TTC39A: variants seen among roughly 807,000 people sequenced by gnomAD.
TTC39A encodes tetratricopeptide repeat protein 39A.
TTC39A carries 46 observed loss-of-function variants against 82.3 expected under a neutral mutation model. That is an observed-to-expected ratio of 0.56 (90% confidence interval 0.44 to 0.71). The LOEUF (loss-of-function observed/expected upper bound fraction) is 0.71, where lower values mean the gene tolerates loss of function less well. Ranked by LOEUF, TTC39A falls within the 30% of genes least tolerant of loss-of-function variation. The pLI, the probability that TTC39A is intolerant of heterozygous loss-of-function variation, is 0.00. For missense variants in TTC39A, 543 were observed against 712.9 expected, an observed-to-expected ratio of 0.76 and a Z score of 2.71; for synonymous variants, 254 against 275.2, an observed-to-expected ratio of 0.92 and a Z score of 0.76.
intron 6 of TTC39A, 61 bp from the exon 7 acceptor site, chr1:51,306,137 AC>A: frequency 7.0e-7 from 1 of 1,425,396 alleles, no homozygotes; most frequent in Non-Finnish European, 9.9e-7. Flanking sequence ...AGGGGCTGGG[AC>A]CCCTTCCAGC....
At chr1:51,342,323 A>G (rs1234333428) in intron 1 of TTC39A, among the ~76,000 whole-genome samples, 3 of 152,204 alleles carry the variant, frequency 2.0e-5, no homozygotes, top group African/African-American at 4.8e-5. Context: ...AAGGAAGATT[A>G]CCTCATAACA....
At chr1:51,330,657 G>A (rs1176292864), upstream of TTC39A, 1 of 981,298 alleles carries the variant, frequency 1.0e-6, no homozygotes, top group Middle Eastern at 5.2e-4. The surrounding 1 kb of genome is among the most constrained non-coding windows in gnomAD (Gnocchi z 4.5). Context: ...CGCACCGTAG[G>A]GCCATGGCCG....
chr1:51,344,549 C>A (rs1418221975), intron 1 of TTC39A, among the ~76,000 whole-genome samples: 1 of 152,194 alleles, frequency 6.6e-6, no homozygotes, highest in Non-Finnish European at 1.5e-5. Context: ...ATGTGGACAA[C>A]CCCTCAAGCA....
At chr1:51,327,602 C>G (rs1412988099) in intron 1 of TTC39A, among the ~76,000 whole-genome samples, 1 of 152,134 alleles carries the variant, frequency 6.6e-6, no homozygotes, top group South Asian at 2.1e-4. Flanking sequence ...TACTTACCTC[C>G]CACGGTTTTT....
chr1:51,301,756 C>T (rs1471921848), intron 11 of TTC39A, 23 bp from the exon 12 acceptor site: 1 of 1,593,216 alleles, frequency 6.3e-7, no homozygotes, highest in South Asian at 1.1e-5. Context: ...TCTGGTCAGC[C>T]TGACGGGTGC....
intron 1 of TTC39A, among the ~76,000 whole-genome samples, chr1:51,327,632 AT>A (rs2148300995): frequency 1.3e-5 from 2 of 152,072 alleles, no homozygotes; most frequent in South Asian, 4.1e-4. Flanking sequence ...GACTAAGACT[AT>A]GGAAAGCACA....
At chr1:51,307,913 T>C (rs908088259) in intron 6 of TTC39A, among the ~76,000 whole-genome samples, 1 of 152,180 alleles carries the variant, frequency 6.6e-6, no homozygotes, top group Admixed American at 6.5e-5. Context: ...TCGCCATGAA[T>C]TCTTTTCCTC....
intron 16 of TTC39A, among the ~76,000 whole-genome samples, chr1:51,289,253 C>T (rs1644109510): frequency 6.6e-6 from 1 of 152,208 alleles, no homozygotes. Context: ...TCTGACCCGA[C>T]CTCCATGCTG....
chr1:51,300,889 G>C (rs900715488), intron 12 of TTC39A: 24 of 152,200 alleles, frequency 1.6e-4, no homozygotes, highest in African/African-American at 5.6e-4. Context: ...TCAAACTGTG[G>C]GACTCTGGTT....
Position 51,321,885 on chromosome 1 carries a change from C to A in TTC39A, c.42-60G>T. 1 of 1,519,982 alleles carries A rather than the reference C, an allele frequency of 6.6e-7. No homozygotes were observed. Among genetic ancestry groups the A allele is most frequent in the Non-Finnish European group, 9.0e-7 (1 of 1,112,116 alleles). 94.2% of individuals were successfully genotyped at this position (1,519,982 alleles called of 1,614,324 possible). A position where few individuals can be genotyped will look rare whatever the true frequency, so the allele number is the denominator to read the frequency against. On this transcript the variant is annotated intron_variant, in intron 1 of 17. Transcript: ENST00000680483. The surrounding 1 kb of genome is among the most constrained non-coding windows in gnomAD (Gnocchi z 4.6). Reference sequence around the variant, plus strand: ...CCTCCAACCCTCCAGCCTCTCCTGGCTGGAACAGAGCCTCACAGGGTCTAC... The same window carrying A: ...CCTCCAACCCTCCAGCCTCTCCTGGATGGAACAGAGCCTCACAGGGTCTAC...
intron 14 of TTC39A, among the ~76,000 whole-genome samples, chr1:51,290,955 C>G (rs1222753727): frequency 6.6e-6 from 1 of 152,218 alleles, no homozygotes; most frequent in East Asian, 1.9e-4. Context: ...TTCTCCCAAC[C>G]TCTCTGGGGC....
chr1:51,301,370 G>T (rs1644649081), intron 12 of TTC39A: 2 of 596,258 alleles, frequency 3.4e-6, no homozygotes, highest in Non-Finnish European at 5.6e-6. Context: ...TTTGTGACTA[G>T]AAATCTCTTT....
At chr1:51,296,453 CAG>C (rs1257679674) in intron 12 of TTC39A, among the ~76,000 whole-genome samples, 2 of 152,236 alleles carry the variant, frequency 1.3e-5, no homozygotes, top group African/African-American at 4.8e-5. Flanking sequence ...GACACAAGGA[CAG>C]GGGCGCACTC....
At chr1:51,343,436 T>A (rs1646061200) in intron 1 of TTC39A, among the ~76,000 whole-genome samples, 1 of 152,226 alleles carries the variant, frequency 6.6e-6, no homozygotes, top group Admixed American at 6.5e-5. Flanking sequence ...GTCTCAGTGA[T>A]CTTCCATCAC....
In TTC39A at chr1:51,339,820, G is replaced by T. The variant is rs1393337172; in HGVS notation, c.53+5171C>A. 2.6e-5 allele frequency among the ~76,000 whole-genome samples: 4 copies of T among 152,200 alleles called. No homozygotes were observed. The East Asian group carries it at 7.7e-4, about 29-fold the overall frequency. ...GCCTGGCCTCAGCCGAGCTGCTGGG[G>T]AATTAAGGGAAGGGGCTGTCCCACC... On this transcript the variant is annotated intron_variant, in intron 1 of 5. Transcript: ENST00000401051.
rs985929340 is a variant in TTC39A, at chr1:51,296,701, C to T, written c.1054-531G>A. 28 of 184,668 alleles carry T rather than the reference C, an allele frequency of 1.5e-4. 1 individual carries two copies. The highest frequency in any genetic ancestry group is 6.5e-4 in the African/African-American group (28 of 42,988). The allele number at this position is 184,668 out of a possible 1,614,324, so 11.4% of individuals were successfully genotyped here. On this transcript the variant is annotated intron_variant, in intron 12 of 17. Coordinates refer to ENST00000680483, the MANE Select transcript of TTC39A (RefSeq NM_001297663.2). Reference sequence around the variant, plus strand: ...GTCAGCTCGGGCCACCCTGGTAGAACTAACTGCCTTGCTGTGTGTGCCAGG... The same window carrying T: ...GTCAGCTCGGGCCACCCTGGTAGAATTAACTGCCTTGCTGTGTGTGCCAGG...
intron 12 of TTC39A, chr1:51,296,988 A>C (rs1465269169): frequency 6.6e-6 from 1 of 152,406 alleles, no homozygotes; most frequent in Non-Finnish European, 1.5e-5. Flanking sequence ...GCTGCCCTCA[A>C]GTGGCCAAGC....
At chr1:51,331,416 G>A, upstream of TTC39A, 1 of 1,444,874 alleles carries the variant, frequency 6.9e-7, no homozygotes, top group Non-Finnish European at 9.1e-7. Context: ...TCTTAACCAT[G>A]ACTCATCAGA....
intron 12 of TTC39A, chr1:51,297,637 C>T (rs1219263993): frequency 3.3e-5 from 5 of 152,524 alleles, no homozygotes; most frequent in Non-Finnish European, 4.4e-5. Flanking sequence ...TCCTGCTGGC[C>T]TTGCCCTACG....
Sources: allele counts gnomAD v4.1 joint callset (sites outside exome capture counted in the v4.1 genomes callset), GRCh38; gene constraint gnomAD v4.1.1; non-coding constraint Gnocchi (gnomAD v3.1); transcripts MANE v1.5; gene names NCBI Gene and HGNC (gene_info 2026-07-23, HGNC 2026-07-21).